Variants in RIMBP2 observed in about 807,000 individuals in gnomAD.
The protein encoded by RIMBP2 is RIMS binding protein 2, also known as RIMS-binding protein 2.
A neutral mutation model predicts 118.6 loss-of-function variants in RIMBP2; 48 were observed. The observed-to-expected ratio is 0.40, with a 90% CI of 0.32 to 0.51. RIMBP2 has a LOEUF of 0.51. Among genes scored for constraint, RIMBP2 ranks in the 20% least tolerant of loss-of-function variants. The probability of loss-of-function intolerance (pLI) is 0.41; values close to 1 mark genes in which losing one functional copy is unlikely to be tolerated. For synonymous variants in RIMBP2, 762 were observed against 742.9 expected (o/e 1.03, Z -0.42); for missense variants, 1,551 against 1,768.3 (o/e 0.88, Z 2.20).
intron 5 of RIMBP2, among the ~76,000 whole-genome samples, chr12:130,476,090 G>A (rs1187903003): frequency 2.0e-5 from 3 of 152,146 alleles, no homozygotes; most frequent in African/African-American, 7.2e-5. Flanking sequence ...AGAGTCACCT[G>A]TGATGTGTAG....
At chr12:130,538,431 T>C (rs114934296) in intron 2 of RIMBP2, among the ~76,000 whole-genome samples, 8 of 152,078 alleles carry the variant, frequency 5.3e-5, no homozygotes, top group African/African-American at 1.9e-4. Flanking sequence ...CTCAATTCAG[T>C]GAAGTGAGAT....
chr12:130,484,434 G>A (rs1431245737), intron 4 of RIMBP2, among the ~76,000 whole-genome samples: 3 of 152,154 alleles, frequency 2.0e-5, no homozygotes, highest in South Asian at 2.1e-4. Flanking sequence ...GTGGCCGCCC[G>A]GCCCCTCCTG....
Position 130,442,740 on chromosome 12 carries a change from C to A in RIMBP2, c.692-80G>T. ...GCCCCCAGTGTACTCCCACCTCCCCCACCAGGACCATAAGGCAGAGCAACA... is the reference window on the plus strand; with the variant it reads ...GCCCCCAGTGTACTCCCACCTCCCCAACCAGGACCATAAGGCAGAGCAACA... On this transcript the variant is annotated intron_variant, in intron 10 of 22. Coordinates refer to ENST00000690449, the MANE Select transcript of RIMBP2 (RefSeq NM_001393629.1). The surrounding 1 kb of genome is among the most constrained non-coding windows in gnomAD (Gnocchi z 6.9). The A allele has an allele frequency of 4.1e-6, 5 of 1,214,658 alleles. No individual in the cohort carries two copies. Among genetic ancestry groups the A allele is most frequent in the Non-Finnish European group, 5.8e-6 (5 of 863,716 alleles). The allele number at this position is 1,214,658 out of a possible 1,614,324, so 75.2% of individuals were successfully genotyped here.
rs543977525 is a variant in RIMBP2 at position 130,581,988 on chromosome 12, C to T, written c.-217+46334G>A. Among the ~76,000 whole-genome samples, 1 of 152,110 alleles carries T rather than the reference C, an allele frequency of 6.6e-6. No individual in the cohort carries two copies. Among genetic ancestry groups the T allele is most frequent in the African/African-American group, 2.4e-5 (1 of 41,414 alleles). Reference sequence around the variant, plus strand: ...ACCACCACCACCACCGACCTCAGGACCTTTGCACCTGCTGCTCCCTCTGCC... The same window carrying T: ...ACCACCACCACCACCGACCTCAGGATCTTTGCACCTGCTGCTCCCTCTGCC... On this transcript the variant is annotated intron_variant, in intron 2 of 22. Transcript: ENST00000690449. The surrounding 1 kb of genome is among the most constrained non-coding windows in gnomAD (Gnocchi z 4.4).
intron 2 of RIMBP2, among the ~76,000 whole-genome samples, chr12:130,597,872 G>A (rs1469283575): frequency 6.6e-6 from 1 of 152,178 alleles, no homozygotes; most frequent in South Asian, 2.1e-4. Flanking sequence ...AAATTGTACT[G>A]GAGATTTAAG....
chr12:130,450,338 C>T lies in RIMBP2; in HGVS notation c.505-62G>A, dbSNP rs940155537. On this transcript the variant is annotated intron_variant, in intron 8 of 22. Coordinates refer to ENST00000690449, the MANE Select transcript of RIMBP2 (RefSeq NM_001393629.1). This position sits in a 1 kb window ranked among gnomAD's most constrained non-coding sequence, Gnocchi z 4.8. ...CTGGAGGTGTCCCACCCCATTCCCG[C>T]GGCACACGGGAAAGCCCCTCGCAGC... 34 of 1,278,248 alleles carry T rather than the reference C, an allele frequency of 2.7e-5. No homozygotes were observed. Among genetic ancestry groups the T allele is most frequent in the African/African-American group, 1.3e-4 (9 of 67,764 alleles). 79.2% of individuals were successfully genotyped at this position (1,278,248 alleles called of 1,614,324 possible).
chr12:130,441,236 A>G (rs1036168930), intron 11 of RIMBP2, among the ~76,000 whole-genome samples: 4 of 151,882 alleles, frequency 2.6e-5, no homozygotes, highest in African/African-American at 9.7e-5. Flanking sequence ...CCCTGTCTCT[A>G]CTAAAAATAC....
chr12:130,593,037 C>T lies in RIMBP2; in HGVS notation c.-217+35285G>A, dbSNP rs548683497. On this transcript the variant is annotated intron_variant, in intron 2 of 22. Coordinates refer to ENST00000690449, the MANE Select transcript of RIMBP2 (RefSeq NM_001393629.1). ...TCTGCTTCCGCTCGGATAGAATCCACATCGCATCATTCAGCCTCGGCTCAG... is the reference window on the plus strand; with the variant it reads ...TCTGCTTCCGCTCGGATAGAATCCATATCGCATCATTCAGCCTCGGCTCAG... 1.4e-4 allele frequency among the ~76,000 whole-genome samples: 22 copies of T among 152,332 alleles called. No individual in the cohort carries two copies. The East Asian group carries it at 3.9e-3, about 27-fold the overall frequency.
intron 2 of RIMBP2, among the ~76,000 whole-genome samples, chr12:130,553,759 A>T (rs11060992): frequency 0.13 from 20,251 of 152,202 alleles, 1,560 homozygotes; most frequent in Non-Finnish European, 0.19. Flanking sequence ...AAATTAATAG[A>T]TTCATTAAAT....
chr12:130,539,543 G>T (rs186569920), intron 2 of RIMBP2, among the ~76,000 whole-genome samples: 146 of 145,962 alleles, frequency 1.0e-3, no homozygotes, highest in African/African-American at 3.2e-3. Context: ...TTGATGAGGT[G>T]GCCAGGTGTA....
chr12:130,675,555 GCCGT>G (rs1431933086), intron 1 of RIMBP2, among the ~76,000 whole-genome samples: 6 of 1,802 alleles, frequency 3.3e-3, no homozygotes, highest in East Asian at 0.021. Context: ...ATGCCTCCAG[GCCGT>G]CCACCCCCAT....
chr12:130,644,545 G>A (rs548152210), intron 1 of RIMBP2, among the ~76,000 whole-genome samples: 14 of 152,304 alleles, frequency 9.2e-5, no homozygotes, highest in Non-Finnish European at 1.3e-4. Flanking sequence ...TCGAGGAGCC[G>A]TATCATCAAG....
At chr12:130,411,721 A>G (rs1332252737) in intron 19 of RIMBP2, among the ~76,000 whole-genome samples, 1 of 152,178 alleles carries the variant, frequency 6.6e-6, no homozygotes, top group African/African-American at 2.4e-5. Flanking sequence ...AAAGGGCTCA[A>G]AGATCTTCGA....
At chr12:130,608,578 TG>T (rs1485625392) in intron 2 of RIMBP2, among the ~76,000 whole-genome samples, 2 of 152,010 alleles carry the variant, frequency 1.3e-5, no homozygotes, top group Non-Finnish European at 1.5e-5. Flanking sequence ...ACCCTCCTCC[TG>T]GGGGGAGGTG....
chr12:130,555,054 C>T (rs369032007), intron 2 of RIMBP2, among the ~76,000 whole-genome samples: 4 of 152,096 alleles, frequency 2.6e-5, no homozygotes, highest in African/African-American at 7.2e-5. Flanking sequence ...GAAGTAGGTG[C>T]CATCATTATC....
chr12:130,485,345 C>G (rs1192952309), intron 4 of RIMBP2, among the ~76,000 whole-genome samples: 1 of 152,236 alleles, frequency 6.6e-6, no homozygotes, highest in Non-Finnish European at 1.5e-5. Context: ...GGAAGCTGAG[C>G]AAGGGCTAAA....
rs780584914 is a variant in RIMBP2, at chr12:130,438,354, C to T, written c.1656+11G>A. On this transcript the variant is annotated intron_variant, in intron 12 of 22. Coordinates refer to ENST00000690449, the MANE Select transcript of RIMBP2 (RefSeq NM_001393629.1). ...TAACAAACCCTCCCCACCCACCCAACGAAAACTCACCCTCTGCCCTTTGGC... is the reference window on the plus strand; with the variant it reads ...TAACAAACCCTCCCCACCCACCCAATGAAAACTCACCCTCTGCCCTTTGGC... The T allele has an allele frequency of 1.0e-4, 104 of 1,037,388 alleles. No homozygotes were observed. Among genetic ancestry groups the T allele is most frequent in the East Asian group, 1.4e-4 (4 of 28,420 alleles). 64.3% of individuals were successfully genotyped at this position (1,037,388 alleles called of 1,614,324 possible).
chr12:130,470,666 G>A, intron 6 of RIMBP2, 27 bp downstream of exon 6: 1 of 1,226,326 alleles, frequency 8.2e-7, no homozygotes, highest in Non-Finnish European at 1.0e-6. Flanking sequence ...CCCACCCCCG[G>A]GCAGAAAGCA....
chr12:130,550,821 C>A (rs4759492), intron 2 of RIMBP2, among the ~76,000 whole-genome samples: 1 of 152,064 alleles, frequency 6.6e-6, no homozygotes, highest in African/African-American at 2.4e-5. Flanking sequence ...CTTATGGTCT[C>A]CTTGGGAAAA....
Sources: gnomAD v4.1 joint callset for allele counts (sites outside exome capture counted in the v4.1 genomes callset) on GRCh38, gnomAD v4.1.1 for gene constraint, Gnocchi (gnomAD v3.1) non-coding constraint, MANE v1.5 for transcripts, NCBI Gene and HGNC (gene_info 2026-07-23, HGNC 2026-07-21) for gene names.